The following PDE7B variants were observed in gnomAD, a reference collection of about 807,000 sequenced individuals.
PDE7B encodes phosphodiesterase 7B.
Under a neutral mutation model 56.2 loss-of-function variants are expected in PDE7B, and 29 were observed. The ratio of observed to expected loss-of-function variants is 0.52; its 90% CI spans 0.38 to 0.70. The LOEUF (loss-of-function observed/expected upper bound fraction) is 0.70. PDE7B is among the 30% of genes least tolerant of loss of function. The pLI, the probability that PDE7B is intolerant of heterozygous loss-of-function variation, is 0.00. For missense variants in PDE7B, 490 were observed against 565.0 expected, an observed-to-expected ratio of 0.87 and a Z score of 1.35; for synonymous variants, 197 against 196.9, an observed-to-expected ratio of 1.00 and a Z score of 0.00.
At chr6:135,965,029 T>C (rs1203836381) in intron 2 of PDE7B, among the ~76,000 whole-genome samples, 1 of 152,144 alleles carries the variant, frequency 6.6e-6, no homozygotes, top group Non-Finnish European at 1.5e-5. Context: ...TAATCCCAGC[T>C]ACTTGGGAGG....
intron 2 of PDE7B, among the ~76,000 whole-genome samples, chr6:136,041,278 CAAGTG>C (rs1776408731): frequency 6.6e-6 from 1 of 151,804 alleles, no homozygotes; most frequent in Non-Finnish European, 1.5e-5. Context: ...TTGTTTCTCA[CAAGTG>C]AAGTAGAAAA....
At chr6:135,859,885 A>G (rs1027846119) in intron 1 of PDE7B, among the ~76,000 whole-genome samples, 2 of 152,040 alleles carry the variant, frequency 1.3e-5, no homozygotes, top group South Asian at 2.1e-4. Flanking sequence ...TTAAAATTCA[A>G]TTTGCTTATT....
chr6:136,048,264 C>T (rs556169646), intron 2 of PDE7B, among the ~76,000 whole-genome samples: 2 of 152,256 alleles, frequency 1.3e-5, no homozygotes, highest in East Asian at 1.9e-4. Context: ...TGGCTCACGG[C>T]TATAACATCA....
At chr6:135,926,942 T>C (rs540161677) in intron 1 of PDE7B, among the ~76,000 whole-genome samples, 34 of 152,336 alleles carry the variant, frequency 2.2e-4, no homozygotes, top group South Asian at 1.2e-3. Flanking sequence ...GCTGCTTGAA[T>C]TAATGAAGTA....
intron 2 of PDE7B, among the ~76,000 whole-genome samples, chr6:136,031,027 T>A (rs947849655): frequency 1.3e-5 from 2 of 152,252 alleles, no homozygotes; most frequent in African/African-American, 2.4e-5. Context: ...TGGTTCAATG[T>A]CCCCAGATAC....
At chr6:136,000,366 G>A (rs1775643196) in intron 2 of PDE7B, among the ~76,000 whole-genome samples, 1 of 152,102 alleles carries the variant, frequency 6.6e-6, no homozygotes, top group South Asian at 2.1e-4. Flanking sequence ...TGTCTTCCAT[G>A]GTTTTTATAG....
chr6:136,148,470 A>AGGCAGGCAGGCATGCAGGC (rs374978896), intron 4 of PDE7B, among the ~76,000 whole-genome samples: 1 of 130,138 alleles, frequency 7.7e-6, no homozygotes, highest in Non-Finnish European at 1.6e-5. Context: ...GGAAGGAAGG[A>AGGCAGGCAGGCATGCAGGC]AGGCAGGCAG....
chr6:135,921,484 C>T (rs984176257), intron 1 of PDE7B, among the ~76,000 whole-genome samples: 15 of 152,090 alleles, frequency 9.9e-5, no homozygotes, highest in Non-Finnish European at 1.9e-4. Flanking sequence ...TGGAAATTCC[C>T]TGCTTATTAA....
At chr6:136,125,514 T>C (rs1778008497) in intron 3 of PDE7B, among the ~76,000 whole-genome samples, 1 of 152,032 alleles carries the variant, frequency 6.6e-6, no homozygotes, top group Non-Finnish European at 1.5e-5. Flanking sequence ...CAGTGAGCTA[T>C]GATACAATTG....
At chr6:136,037,064 C>G (rs190754739) in intron 2 of PDE7B, among the ~76,000 whole-genome samples, 2 of 152,338 alleles carry the variant, frequency 1.3e-5, no homozygotes, top group Non-Finnish European at 2.9e-5. Flanking sequence ...ATGTTGCCCT[C>G]GATTCAACCA....
At chr6:135,989,146 C>G (rs1260565278) in intron 2 of PDE7B, among the ~76,000 whole-genome samples, 1 of 152,156 alleles carries the variant, frequency 6.6e-6, no homozygotes, top group East Asian at 1.9e-4. Flanking sequence ...ACGGAAAATA[C>G]AAACAACCTA....
At chr6:135,874,202 G>A (rs1775446117) in intron 1 of PDE7B, among the ~76,000 whole-genome samples, 1 of 152,150 alleles carries the variant, frequency 6.6e-6, no homozygotes, top group South Asian at 2.1e-4. Flanking sequence ...AAGTGCAAAT[G>A]CCTGGAGGTG....
rs1290385510 is a variant in PDE7B, at chr6:136,191,842, G to A, written c.*2G>A. 3.2e-6 allele frequency: 5 copies of A among 1,548,632 alleles called. No individual in the cohort carries two copies. The highest frequency in any genetic ancestry group is 4.4e-6 in the Non-Finnish European group (5 of 1,146,308). On this transcript the variant is annotated 3_prime_UTR_variant, in exon 13 of 13. Transcript: ENST00000308191. Reference sequence around the variant, plus strand: ...GAGCAGGAAGGCGACAGCCCCTAGGGGCCGGCCCAACTTAGACGCGGCTCT... The same window carrying A: ...GAGCAGGAAGGCGACAGCCCCTAGGAGCCGGCCCAACTTAGACGCGGCTCT...
chr6:135,961,873 G>C (rs753238442), intron 2 of PDE7B, among the ~76,000 whole-genome samples: 1 of 152,138 alleles, frequency 6.6e-6, no homozygotes, highest in Non-Finnish European at 1.5e-5. Flanking sequence ...GGCTGAATAG[G>C]AGGAACACAG....
intron 2 of PDE7B, among the ~76,000 whole-genome samples, chr6:135,995,128 C>A (rs184490341): frequency 6.6e-6 from 1 of 152,102 alleles, no homozygotes; most frequent in Non-Finnish European, 1.5e-5. Context: ...CCCTTTGGCC[C>A]GGGCCTTTGG....
chr6:136,173,969 T>C, intron 9 of PDE7B, 81 bp downstream of exon 9: 1 of 959,430 alleles, frequency 1.0e-6, no homozygotes, highest in Non-Finnish European at 1.7e-6. Context: ...TTGGGACCTT[T>C]TGCGTGAATG....
At chr6:135,937,664 C>G (rs1273204297) in intron 1 of PDE7B, among the ~76,000 whole-genome samples, 1 of 152,166 alleles carries the variant, frequency 6.6e-6, no homozygotes, top group African/African-American at 2.4e-5. Flanking sequence ...GAAGGGACCC[C>G]TTTTTCCCAA....
At chr6:136,112,472 C>G (rs935389530) in intron 3 of PDE7B, 2 of 152,446 alleles carry the variant, frequency 1.3e-5, no homozygotes, top group Middle Eastern at 3.4e-3. Context: ...AACCGCCCCC[C>G]ACAAACCCCA....
rs906454143 is a variant in PDE7B at position 136,080,587 on chromosome 6, A to G, written c.83-28144A>G. Among the ~76,000 whole-genome samples the G allele has an allele frequency of 3.3e-5, 5 of 152,318 alleles. No homozygotes were observed. In the South Asian group the frequency reaches 6.2e-4, roughly 19 times the overall value. On this transcript the variant is annotated intron_variant, in intron 2 of 12. Transcript: ENST00000308191. The stretch of plus-strand genomic sequence containing the variant: ...CATTTCTCACTTGTTGTAAACTGTC[A>G]TATCTCTGCTTATGAGCCATTTTTG...
Sources: allele counts gnomAD v4.1 joint callset (sites outside exome capture counted in the v4.1 genomes callset), GRCh38; gene constraint gnomAD v4.1.1; transcripts MANE v1.5; gene names NCBI Gene and HGNC (gene_info 2026-07-23, HGNC 2026-07-21).